CACNA1C: variants seen among roughly 807,000 people sequenced by gnomAD.
The protein encoded by CACNA1C is calcium voltage-gated channel subunit alpha1 C.
Under a neutral mutation model 229.0 loss-of-function variants are expected in CACNA1C, and 30 were observed. The observed-to-expected ratio is 0.13, with a 90% confidence interval of 0.10 to 0.18. The LOEUF is 0.18. CACNA1C is among the 10% of genes least tolerant of loss of function. The pLI is 1.00. For missense variants in CACNA1C, 1,658 were observed against 2,845.0 expected (o/e 0.58, Z 9.49); for synonymous variants, 1,114 against 1,132.5 (o/e 0.98, Z 0.33).
rs1055761448 is a variant in CACNA1C at position 2,605,238 on chromosome 12, G to A, written c.3048+70G>A. 1.8e-6 allele frequency: 2 copies of A among 1,105,656 alleles called. No homozygotes were observed. Among genetic ancestry groups the A allele is most frequent in the African/African-American group, 3.1e-5 (2 of 65,112 alleles). The allele number at this position is 1,105,656 out of a possible 1,614,324, so 68.5% of individuals were successfully genotyped here. On this transcript the variant is annotated intron_variant, in intron 23 of 46. Coordinates refer to ENST00000399655, the MANE Select transcript of CACNA1C (RefSeq NM_000719.7). The surrounding 1 kb of genome is among the most constrained non-coding windows in gnomAD (Gnocchi z 6.2). ...GGAGTGGGAGCTCCACAGAGGTGAG[G>A]GGTGGGTTGGAAGGAGATGATGGTC...
Position 2,624,948 on chromosome 12 carries a change from A to G in CACNA1C, c.3829-9349A>G, listed in dbSNP as rs55642369. On this transcript the variant is annotated intron_variant, in intron 29 of 46. Transcript: ENST00000399655. ...TTGCCCCAGCCTTCGCCATCGGCAC[A>G]GAATTCAGAGGCCAAAGCTGTGTGG... Among the ~76,000 whole-genome samples, 1,198 of 152,352 alleles carry G rather than the reference A, an allele frequency of 7.9e-3. 11 individuals carry two copies. Among genetic ancestry groups the G allele is most frequent in the African/African-American group, 0.027 (1,140 of 41,588 alleles).
In CACNA1C at chr12:2,575,911, A is replaced by G. The variant is rs563378509; in HGVS notation, c.1896-5679A>G. Among the ~76,000 whole-genome samples, 3 of 152,338 alleles carry G rather than the reference A, an allele frequency of 2.0e-5. No individual in the cohort carries two copies. The highest frequency in any genetic ancestry group is 4.4e-5 in the Non-Finnish European group (3 of 68,036). On this transcript the variant is annotated intron_variant, in intron 13 of 46. Coordinates refer to ENST00000399655, the MANE Select transcript of CACNA1C (RefSeq NM_000719.7). This position sits in a 1 kb window ranked among gnomAD's most constrained non-coding sequence, Gnocchi z 4.0. ...AGGAAGGCTCGGGTCACTTTATATT[A>G]TAGAAGAGGAGGAAGAATTCCACAG...
chr12:2,438,313 T>TG (rs2099170580), intron 3 of CACNA1C, among the ~76,000 whole-genome samples: 10 of 37,974 alleles, frequency 2.6e-4, no homozygotes, highest in East Asian at 8.5e-4. Flanking sequence ...TGGTGGTGGT[T>TG]GTGGTGATGG....
At position 2,209,172 on chromosome 12, in the gene CACNA1C, C is replaced by G. The variant is rs376962954; in HGVS notation, c.477+88742C>G. 8.5e-5 allele frequency among the ~76,000 whole-genome samples: 13 copies of G among 152,286 alleles called. No individual in the cohort carries two copies. The South Asian group carries it at 2.7e-3, about 32-fold the overall frequency. On this transcript the variant is annotated intron_variant, in intron 3 of 46. Transcript: ENST00000399655. ...GTAAGACGCAGCGAGTCACACAGTA[C>G]CACAGTGAAGTCTTGGTTTTGGATG...
At chr12:2,089,073 G>A (rs1166751413) in intron 1 of CACNA1C, among the ~76,000 whole-genome samples, 1 of 152,170 alleles carries the variant, frequency 6.6e-6, no homozygotes, top group African/African-American at 2.4e-5. Flanking sequence ...TGCTCCCAGT[G>A]ATTCATTCTG....
intron 1 of CACNA1C, chr12:2,004,456 A>G: frequency 1.3e-6 from 2 of 1,592,724 alleles, no homozygotes; most frequent in Non-Finnish European, 1.7e-6. Context: ...AGACATAGGC[A>G]CGGGGCTCTT....
intron 3 of CACNA1C, among the ~76,000 whole-genome samples, chr12:2,164,208 C>G (rs1431507839): frequency 4.6e-5 from 7 of 152,164 alleles, no homozygotes; most frequent in Admixed American, 4.6e-4. Flanking sequence ...GCTTCATGGA[C>G]AATAATCCTG....
In CACNA1C at chr12:2,228,582, T is replaced by C. The variant is rs139268960; in HGVS notation, c.477+108152T>C. On this transcript the variant is annotated intron_variant, in intron 3 of 46. Transcript: ENST00000399655. Reference sequence around the variant, plus strand: ...ATGTGCTAAAGAGGTAGGGGTAGCTTATAGAGTTTGTAGAAAAGGGGGGAT... The same window carrying C: ...ATGTGCTAAAGAGGTAGGGGTAGCTCATAGAGTTTGTAGAAAAGGGGGGAT... 2.9e-3 allele frequency among the ~76,000 whole-genome samples: 435 copies of C among 152,272 alleles called. 1 individual carries two copies. Among genetic ancestry groups the C allele is most frequent in the African/African-American group, 9.4e-3 (390 of 41,554 alleles).
intron 1 of CACNA1C, among the ~76,000 whole-genome samples, chr12:2,013,422 C>G (rs910500574): frequency 1.3e-5 from 2 of 152,188 alleles, no homozygotes; most frequent in Non-Finnish European, 2.9e-5. Flanking sequence ...TTTATAAAGG[C>G]ACTTATAACA....
chr12:2,415,147 C>T (rs889629205), intron 3 of CACNA1C, among the ~76,000 whole-genome samples: 32 of 152,240 alleles, frequency 2.1e-4, no homozygotes, highest in Non-Finnish European at 7.3e-5. Flanking sequence ...CGCAGAGGAT[C>T]CACTTTTCTG....
At chr12:2,069,779 T>C (rs1019393485) in intron 1 of CACNA1C, among the ~76,000 whole-genome samples, 1 of 152,188 alleles carries the variant, frequency 6.6e-6, no homozygotes, top group Non-Finnish European at 1.5e-5. Flanking sequence ...ATTGGCTGCA[T>C]TGGGACATTA....
intron 1 of CACNA1C, among the ~76,000 whole-genome samples, chr12:1,988,160 C>T (rs1467390415): frequency 2.6e-5 from 4 of 152,160 alleles, no homozygotes; most frequent in African/African-American, 9.7e-5. Flanking sequence ...ACACCAAAAT[C>T]TCAATGGCTT....
At position 2,354,178 on chromosome 12, in the gene CACNA1C, G is replaced by A. The variant is rs1217431807; in HGVS notation, c.478-94798G>A. On this transcript the variant is annotated intron_variant, in intron 3 of 46. Transcript: ENST00000399655. This position sits in a 1 kb window ranked among gnomAD's most constrained non-coding sequence, Gnocchi z 4.6. ...TGTTTTTCCAGAACCCCTTAACCCAGTGGAAGCCCCGCCTTTCATGTGGGC... is the reference window on the plus strand; with the variant it reads ...TGTTTTTCCAGAACCCCTTAACCCAATGGAAGCCCCGCCTTTCATGTGGGC... Among the ~76,000 whole-genome samples, 2 of 152,180 alleles carry A rather than the reference G, an allele frequency of 1.3e-5. No homozygotes were observed. Among genetic ancestry groups the A allele is most frequent in the African/African-American group, 4.8e-5 (2 of 41,456 alleles).
At chr12:2,347,128 G>A (rs2097062289) in intron 3 of CACNA1C, among the ~76,000 whole-genome samples, 1 of 152,198 alleles carries the variant, frequency 6.6e-6, no homozygotes, top group Non-Finnish European at 1.5e-5. Flanking sequence ...ACCAAGCCTT[G>A]CTCCTTGTAC....
At position 2,108,189 on chromosome 12, in the gene CACNA1C, A is replaced by T. The variant is rs1200396991; in HGVS notation, c.50-7035A>T. On this transcript the variant is annotated intron_variant, in intron 1 of 46. Transcript: ENST00000399655. This position sits in a 1 kb window ranked among gnomAD's most constrained non-coding sequence, Gnocchi z 5.3. ...TCAGGCCTATAACAGAAACTTCTGT[A>T]GCCGTGTTTAGAGGAAAGATAGTAC... 6.6e-6 allele frequency among the ~76,000 whole-genome samples: 1 copy of T among 152,244 alleles called. No individual in the cohort carries two copies. The highest frequency in any genetic ancestry group is 1.5e-5 in the Non-Finnish European group (1 of 68,050).
Position 2,654,024 on chromosome 12 carries a change from T to C in CACNA1C, c.4140+124T>C. On this transcript the variant is annotated intron_variant, in intron 33 of 46. Transcript: ENST00000399655. This position sits in a 1 kb window ranked among gnomAD's most constrained non-coding sequence, Gnocchi z 4.4. ...TTTCATTCCTGACTGTCCCTCTCCC[T>C]CCTCTTCCATTTTCTGAGGCCCAAA... The C allele has an allele frequency of 1.3e-6, 1 of 761,518 alleles. No homozygotes were observed. The highest frequency in any genetic ancestry group is 2.2e-6 in the Non-Finnish European group (1 of 462,702). 47.2% of individuals were successfully genotyped at this position (761,518 alleles called of 1,614,324 possible).
At chr12:2,271,890 T>C (rs80106079) in intron 3 of CACNA1C, among the ~76,000 whole-genome samples, 6,934 of 152,088 alleles carry the variant, frequency 0.046, 193 homozygotes, top group Middle Eastern at 0.068. Flanking sequence ...AGTGAGACTG[T>C]CTAAAAAAAA....
intron 1 of CACNA1C, among the ~76,000 whole-genome samples, chr12:2,032,711 C>A (rs12305491): frequency 0.08 from 12,193 of 152,252 alleles, 669 homozygotes; most frequent in African/African-American, 0.14. Flanking sequence ...ACAGGCAGCT[C>A]AGAACATCAG....
chr12:2,299,228 C>T (rs987935993), intron 3 of CACNA1C, among the ~76,000 whole-genome samples: 2 of 152,182 alleles, frequency 1.3e-5, no homozygotes, highest in African/African-American at 2.4e-5. Flanking sequence ...GCCTGGGCCC[C>T]ACCTCCTCCT....
Sources: gnomAD v4.1 joint callset for allele counts (sites outside exome capture counted in the v4.1 genomes callset) on GRCh38, gnomAD v4.1.1 for gene constraint, Gnocchi (gnomAD v3.1) non-coding constraint, MANE v1.5 for transcripts, NCBI Gene and HGNC (gene_info 2026-07-23, HGNC 2026-07-21) for gene names.